The following TTLL12 variants were observed in gnomAD, a reference collection of about 807,000 sequenced individuals.
TTLL12 encodes tubulin tyrosine ligase like 12, also known as tubulin--tyrosine ligase-like protein 12.
In TTLL12, 77 loss-of-function variants were observed where a neutral mutation model predicts 79.6. That is an observed-to-expected ratio of 0.97 (90% CI 0.81 to 1.17). TTLL12 has a LOEUF of 1.17. Among genes scored for constraint, TTLL12 ranks in the 50% most tolerant of loss-of-function variants. TTLL12 has a pLI of 0.00. For missense variants in TTLL12, 969 were observed against 895.9 expected (o/e 1.08, Z -1.04); for synonymous variants, 437 against 376.1 (o/e 1.16, Z -1.87).
chr22:43,174,480 C>A lies in TTLL12; in HGVS notation c.1034+19G>T, dbSNP rs367668523. On this transcript the variant is annotated intron_variant, in intron 7 of 13. Coordinates refer to ENST00000216129, the MANE Select transcript of TTLL12 (RefSeq NM_015140.4). ...GAAGCCCTGACTGGGAGGGCCCCTG[C>A]GGCCAGAGGTGCCCTCACCTGTAGT... The A allele has an allele frequency of 8.2e-6, 13 of 1,587,142 alleles. No homozygotes were observed. Among genetic ancestry groups the A allele is most frequent in the Non-Finnish European group, 1.1e-5 (13 of 1,161,520 alleles).
At chr22:43,171,726 T>A in intron 11 of TTLL12, 93 bp downstream of exon 11, 1 of 1,040,654 alleles carries the variant, frequency 9.6e-7, no homozygotes, top group Non-Finnish European at 1.5e-6. Flanking sequence ...CTGGCCTGTG[T>A]GCCAGTCCTC....
Position 43,183,153 on chromosome 22 carries a change from G to T in TTLL12, c.178-4C>A. On this transcript the variant is annotated splice_region_variant and splice_polypyrimidine_tract_variant and intron_variant, in intron 1 of 13. Coordinates refer to ENST00000216129, the MANE Select transcript of TTLL12 (RefSeq NM_015140.4). ...ACACTTCCCCAGCGTCGAAAACCTG[G>T]GGGCCAGAGTTCCCGTCAGCAGGGG... is the stretch of plus-strand genomic sequence containing the variant. 6.2e-7 allele frequency: 1 copy of T among 1,613,664 alleles called. No homozygotes were observed. The highest frequency in any genetic ancestry group is 8.5e-7 in the Non-Finnish European group (1 of 1,179,822).
intron 6 of TTLL12, 78 bp from the exon 7 acceptor site, chr22:43,174,693 G>A (rs533329251): frequency 9.6e-7 from 1 of 1,044,038 alleles, no homozygotes; most frequent in African/African-American, 1.6e-5. Context: ...CTGGCTCAGG[G>A]ACTCCCTTCC....
At chr22:43,180,413 G>A (rs966686124) in intron 3 of TTLL12, among the ~76,000 whole-genome samples, 57 of 152,190 alleles carry the variant, frequency 3.7e-4, no homozygotes, top group African/African-American at 1.3e-3. Flanking sequence ...GTGAGGGGCT[G>A]GAGCATGGGG....
intron 8 of TTLL12, 29 bp from the exon 9 acceptor site, chr22:43,173,855 C>A (rs200961739): frequency 2.8e-5 from 45 of 1,582,628 alleles, no homozygotes; most frequent in Non-Finnish European, 3.7e-5. Flanking sequence ...GTCTGGGGGG[C>A]GCCTGGGGCC....
In TTLL12 at chr22:43,166,900, G is replaced by T; in HGVS notation, c.*1108C>A. The stretch of plus-strand genomic sequence containing the variant: ...GCTACACCTAGCCCTGCCCTCCCAT[G>T]CACTGGAAGGCTCTGGAAGTAGCTC... On this transcript the variant is annotated 3_prime_UTR_variant, in exon 14 of 14. Transcript: ENST00000216129. 3.7e-6 allele frequency: 1 copy of T among 270,612 alleles called. No homozygotes were observed. Among genetic ancestry groups the T allele is most frequent in the Non-Finnish European group, 7.2e-6 (1 of 138,314 alleles). The allele number at this position is 270,612 out of a possible 1,614,324, so 16.8% of individuals were successfully genotyped here. A position where few individuals can be genotyped will look rare whatever the true frequency, so the allele number is the denominator to read the frequency against.
rs1225485961 is a variant in TTLL12 at position 43,167,147 on chromosome 22, T to C, written c.*861A>G. On this transcript the variant is annotated 3_prime_UTR_variant, in exon 14 of 14. Transcript: ENST00000216129. Reference sequence around the variant, plus strand: ...ATCTGACTTTAACCTGAAGTTCTCATTGGAATCCTTTTCTGTCTGGCGCTC... The same window carrying C: ...ATCTGACTTTAACCTGAAGTTCTCACTGGAATCCTTTTCTGTCTGGCGCTC... 5 of 528,934 alleles carry C rather than the reference T, an allele frequency of 9.5e-6. No homozygotes were observed. The highest frequency in any genetic ancestry group is 2.8e-5 in the South Asian group (2 of 70,416). 32.8% of individuals were successfully genotyped at this position (528,934 alleles called of 1,614,324 possible).
chr22:43,169,668 T>TG, intron 11 of TTLL12, 100 bp from the exon 12 acceptor site: 4 of 1,335,486 alleles, frequency 3.0e-6, no homozygotes, highest in Non-Finnish European at 2.1e-6. Flanking sequence ...TGACACTGGG[T>TG]GGGGGTTCCA....
At chr22:43,179,356 C>T (rs1416920869) in intron 5 of TTLL12, among the ~76,000 whole-genome samples, 3 of 152,076 alleles carry the variant, frequency 2.0e-5, no homozygotes, top group African/African-American at 4.8e-5. Flanking sequence ...CCCTCCTTCC[C>T]AAGGGAGCAG....
At chr22:43,182,888 C>T (rs890419305) in intron 2 of TTLL12, 92 bp downstream of exon 2, 30 of 1,480,332 alleles carry the variant, frequency 2.0e-5, no homozygotes, top group Middle Eastern at 1.8e-4. Flanking sequence ...AGATGTCCAG[C>T]GGCGGTGCAG....
intron 1 of TTLL12, among the ~76,000 whole-genome samples, chr22:43,185,289 ATATATATATATGTATG>A (rs1569488236): frequency 1.1e-4 from 10 of 93,150 alleles, no homozygotes; most frequent in Non-Finnish European, 6.6e-5. Context: ...ATATATATAT[ATATATATATATGTATG>A]TATCTTCAAG....
chr22:43,173,146 G>A (rs2147068539), intron 9 of TTLL12, among the ~76,000 whole-genome samples: 1 of 152,270 alleles, frequency 6.6e-6, no homozygotes, highest in South Asian at 2.1e-4. Context: ...CACAGTCCAG[G>A]CAGATCCTGT....
At position 43,168,161 on chromosome 22, in the gene TTLL12, TGATGGCAA is replaced by T. The variant is rs1474176768; in HGVS notation, c.1784-10_1784-3del. On this transcript the variant is annotated splice_region_variant and splice_polypyrimidine_tract_variant and intron_variant, in intron 13 of 13. Coordinates refer to ENST00000216129, the MANE Select transcript of TTLL12 (RefSeq NM_015140.4). ...TCTGCGGCTGCATCACCCGCCTTCC[TGATGGCAA>T]AGAGCGCAGCAGAGTGTGAAGGCTC... 1 of 1,613,796 alleles carries T rather than the reference TGATGGCAA, an allele frequency of 6.2e-7. No individual in the cohort carries two copies. The highest frequency in any genetic ancestry group is 8.5e-7 in the Non-Finnish European group (1 of 1,179,882).
chr22:43,168,167 C>CA lies in TTLL12; in HGVS notation c.1784-9dup, dbSNP rs753613286. The CA allele has an allele frequency of 1.7e-5, 28 of 1,613,608 alleles. 1 individual carries two copies. Among genetic ancestry groups the CA allele is most frequent in the Middle Eastern group, 1.7e-4 (1 of 6,058 alleles). On this transcript the variant is annotated splice_polypyrimidine_tract_variant and intron_variant, in intron 13 of 13. Coordinates refer to ENST00000216129, the MANE Select transcript of TTLL12 (RefSeq NM_015140.4). ...GCTGCATCACCCGCCTTCCTGATGGCAAAGAGCGCAGCAGAGTGTGAAGGC... is the reference window on the plus strand; with the variant it reads ...GCTGCATCACCCGCCTTCCTGATGGCAAAAGAGCGCAGCAGAGTGTGAAGGC...
chr22:43,174,413 G>A lies in TTLL12; in HGVS notation c.1035-10C>T, dbSNP rs751892136. Reference sequence around the variant, plus strand: ...CTCCTGGCTGAGTTTCCTGCAGGGCGGAGGCAGGTGCGCCAGCTCAAGGGG... The same window carrying A: ...CTCCTGGCTGAGTTTCCTGCAGGGCAGAGGCAGGTGCGCCAGCTCAAGGGG... On this transcript the variant is annotated splice_polypyrimidine_tract_variant and intron_variant, in intron 7 of 13. Transcript: ENST00000216129. 2.4e-5 allele frequency: 37 copies of A among 1,559,352 alleles called. No individual in the cohort carries two copies. The highest frequency in any genetic ancestry group is 6.8e-5 in the East Asian group (3 of 44,152).
At chr22:43,168,951 A>T in intron 12 of TTLL12, 39 bp from the exon 13 acceptor site, 1 of 1,582,860 alleles carries the variant, frequency 6.3e-7, no homozygotes, top group South Asian at 1.1e-5. Flanking sequence ...GCCTGCTCAG[A>T]ACAGCCTCTC....
At chr22:43,174,893 G>A (rs1465105502) in intron 6 of TTLL12, among the ~76,000 whole-genome samples, 1 of 152,234 alleles carries the variant, frequency 6.6e-6, no homozygotes, top group East Asian at 1.9e-4. Flanking sequence ...AAATTAAATG[G>A]CATAATTTGG....
chr22:43,184,490 G>A (rs867990283), intron 1 of TTLL12, among the ~76,000 whole-genome samples: 1 of 152,222 alleles, frequency 6.6e-6, no homozygotes, highest in Non-Finnish European at 1.5e-5. Flanking sequence ...ATGAGGCTAC[G>A]GGGTGAGGAT....
At position 43,171,845 on chromosome 22, in the gene TTLL12, A is replaced by T. The variant is rs539963608; in HGVS notation, c.1549T>A (p.Tyr517Asn). ...DYEKHFTVMNYDPDVVLKQVH... is the reference protein window; with the variant it reads ...DYEKHFTVMNNDPDVVLKQVH... ...TGCTTCAGCACCACATCCGGGTCAT[A>T]GTTCATGACCGTGAAGTGCTTCTCG... Residue 517 changes from tyrosine to asparagine, a missense_variant, in exon 11 of 14, where the codon TAT becomes AAT. Physicochemically the swap from Tyr to Asn is moderately radical, Grantham distance 143. Coordinates refer to ENST00000216129, the MANE Select transcript of TTLL12 (RefSeq NM_015140.4). 4 of 1,614,002 alleles carry T rather than the reference A, an allele frequency of 2.5e-6. No homozygotes were observed. The African/African-American group carries it at 5.3e-5, about 22-fold the overall frequency.
Sources: allele counts gnomAD v4.1 joint callset (sites outside exome capture counted in the v4.1 genomes callset), GRCh38; gene constraint gnomAD v4.1.1; transcripts MANE v1.5; gene names NCBI Gene and HGNC (gene_info 2026-07-23, HGNC 2026-07-21).